ORAI2: variants seen among roughly 807,000 people sequenced by gnomAD.
ORAI2 encodes the protein ORAI calcium release-activated calcium modulator 2, also known as protein orai-2.
A neutral mutation model predicts 16.2 loss-of-function variants in ORAI2; 10 were observed. That is an observed-to-expected ratio of 0.62 (90% CI 0.38 to 1.04). ORAI2 has a LOEUF of 1.04. ORAI2 is among the 50% of genes least tolerant of loss of function. ORAI2 has a pLI of 0.01. For synonymous variants in ORAI2, 150 were observed against 157.5 expected (o/e 0.95, Z 0.35); for missense variants, 238 against 355.5 (o/e 0.67, Z 2.66).
At chr7:102,438,347 C>A (rs192129370) in intron 2 of ORAI2, among the ~76,000 whole-genome samples, 33 of 151,790 alleles carry the variant, frequency 2.2e-4, no homozygotes, top group Admixed American at 1.6e-3. Context: ...TATATCAAAT[C>A]AAATAAAATA....
rs766451025 is a variant in ORAI2, at chr7:102,439,080, C to T, written c.124C>T (p.His42Tyr). 7 of 1,614,100 alleles carry T rather than the reference C, an allele frequency of 4.3e-6. No homozygotes were observed. The highest frequency in any genetic ancestry group is 5.9e-6 in the Non-Finnish European group (7 of 1,180,040). ...RSYLELVTSN[H>Y]HSVQALSWRK... ...CTACCTGGAACTGGTCACCTCTAAC[C>T]ACCACTCGGTACAGGCCCTGTCGTG... Residue 42 changes from histidine to tyrosine, a missense_variant, in exon 3 of 4, where the codon CAC becomes TAC. This residue lies in a region of ORAI2 where 61 missense variants were observed against 72.7 expected (regional missense o/e 0.84). Coordinates refer to ENST00000495936, the MANE Select transcript of ORAI2 (RefSeq NM_001126340.3).
chr7:102,443,089 TTTC>T (rs368278302), intron 3 of ORAI2, among the ~76,000 whole-genome samples: 2,202 of 125,616 alleles, frequency 0.018, 36 homozygotes, highest in African/African-American at 0.041. Context: ...TGCCTTCTCT[TTTC>T]TTCTTCTTCT....
At chr7:102,434,541 G>A (rs1296858936) in intron 1 of ORAI2, among the ~76,000 whole-genome samples, 3 of 152,132 alleles carry the variant, frequency 2.0e-5, no homozygotes, top group Non-Finnish European at 2.9e-5. Flanking sequence ...TCTCAGACCT[G>A]AGCCCAGCCC....
At chr7:102,444,670 T>TTTC (rs1305404122) in intron 3 of ORAI2, among the ~76,000 whole-genome samples, 8 of 147,268 alleles carry the variant, frequency 5.4e-5, no homozygotes, top group Non-Finnish European at 1.2e-4. Flanking sequence ...TTCTTCTTTT[T>TTTC]TTTTTTTTTT....
At chr7:102,434,035 G>A (rs1796993958) in intron 1 of ORAI2, among the ~76,000 whole-genome samples, 1 of 146,932 alleles carries the variant, frequency 6.8e-6, no homozygotes, top group Non-Finnish European at 1.5e-5. Context: ...AATGTGTCCA[G>A]TAGGCCAGCC....
Position 102,448,406 on chromosome 7 carries a change from T to C in ORAI2, c.*1354T>C, listed in dbSNP as rs1797431483. 1 of 152,232 alleles carries C rather than the reference T, an allele frequency of 6.6e-6. No individual in the cohort carries two copies. The highest frequency in any genetic ancestry group is 2.1e-4 in the South Asian group (1 of 4,820). 9.4% of individuals were successfully genotyped at this position (152,232 alleles called of 1,614,324 possible). ...AGAGTCAGCCATGCCTTGTCTTTTGTTCTCATAAATAGTCACTGGGGCCGG... is the reference window on the plus strand; with the variant it reads ...AGAGTCAGCCATGCCTTGTCTTTTGCTCTCATAAATAGTCACTGGGGCCGG... On this transcript the variant is annotated 3_prime_UTR_variant, in exon 4 of 4. Coordinates refer to ENST00000495936, the MANE Select transcript of ORAI2 (RefSeq NM_001126340.3).
At chr7:102,438,486 C>A (rs181039633) in intron 2 of ORAI2, among the ~76,000 whole-genome samples, 1 of 151,948 alleles carries the variant, frequency 6.6e-6, no homozygotes, top group Non-Finnish European at 1.5e-5. Context: ...AACTTTAGGT[C>A]CTGGAAGGCT....
intron 1 of ORAI2, among the ~76,000 whole-genome samples, chr7:102,435,536 C>CTTTT (rs56680127): frequency 8.2e-6 from 1 of 121,574 alleles, no homozygotes; most frequent in Non-Finnish European, 1.7e-5. Flanking sequence ...GCCCCCCCCT[C>CTTTT]TTTTTTTTTT....
intron 3 of ORAI2, among the ~76,000 whole-genome samples, chr7:102,443,954 A>C (rs1466349363): frequency 1.3e-5 from 2 of 151,602 alleles, no homozygotes; most frequent in African/African-American, 4.8e-5. Flanking sequence ...TGATCCGCCC[A>C]CCTCGGCCTC....
At chr7:102,438,342 C>T (rs1167269126) in intron 2 of ORAI2, among the ~76,000 whole-genome samples, 1 of 151,318 alleles carries the variant, frequency 6.6e-6, no homozygotes, top group Non-Finnish European at 1.5e-5. Context: ...AAAAATATAT[C>T]AAATCAAATA....
At chr7:102,439,517 T>C (rs1161376204) in intron 3 of ORAI2, among the ~76,000 whole-genome samples, 1 of 152,126 alleles carries the variant, frequency 6.6e-6, no homozygotes, top group Non-Finnish European at 1.5e-5. Flanking sequence ...CCCAGCACTT[T>C]GGGAGGCCAA....
At chr7:102,446,229 G>A (rs774805952) in intron 3 of ORAI2, among the ~76,000 whole-genome samples, 3 of 152,236 alleles carry the variant, frequency 2.0e-5, no homozygotes, top group African/African-American at 2.4e-5. Context: ...GATTATAGGC[G>A]TGAGCGACCA....
chr7:102,442,872 AC>A (rs541354885), intron 3 of ORAI2, among the ~76,000 whole-genome samples: 3,497 of 144,364 alleles, frequency 0.024, 138 homozygotes, highest in African/African-American at 0.084. Context: ...AAAAAAAAAA[AC>A]ATTAGCCGTG....
chr7:102,440,325 C>T (rs1797163119), intron 3 of ORAI2, among the ~76,000 whole-genome samples: 1 of 152,108 alleles, frequency 6.6e-6, no homozygotes, highest in Admixed American at 6.6e-5. Context: ...TTTGGCCTGG[C>T]TCCCAGCGGC....
intron 1 of ORAI2, among the ~76,000 whole-genome samples, chr7:102,435,185 C>T (rs62482952): frequency 0.28 from 42,300 of 152,058 alleles, 6,462 homozygotes; most frequent in Admixed American, 0.36. Flanking sequence ...GCGGGAGGAT[C>T]GCTTGAGCCT....
chr7:102,451,995 C>A lies in ORAI2; in HGVS notation c.*4943C>A, dbSNP rs992991622. On this transcript the variant is annotated 3_prime_UTR_variant, in exon 4 of 4. Coordinates refer to ENST00000495936, the MANE Select transcript of ORAI2 (RefSeq NM_001126340.3). The stretch of plus-strand genomic sequence containing the variant: ...ACCTGGACAGGGTCAGCTTGGCGTT[C>A]CCCCCAGTCCCTTGAGGAGAGGAGC... 1 of 152,260 alleles carries A rather than the reference C, an allele frequency of 6.6e-6. No homozygotes were observed. The highest frequency in any genetic ancestry group is 2.4e-5 in the African/African-American group (1 of 41,462). 9.4% of individuals were successfully genotyped at this position (152,260 alleles called of 1,614,324 possible).
In ORAI2 at chr7:102,446,578, C is replaced by CA; in HGVS notation, c.292dup (p.Ser98LysfsTer43). ...ACCCGCGGCCGCTGCTGATTGCCTT[C>CA]AGCGCCTGCACCACGGTGCTGGTGG... On this transcript the variant is annotated frameshift_variant, in exon 4 of 4. Transcript: ENST00000495936. LOFTEE classifies it high-confidence loss of function. 2 of 1,613,506 alleles carry CA rather than the reference C, an allele frequency of 1.2e-6. No individual in the cohort carries two copies. The highest frequency in any genetic ancestry group is 1.7e-6 in the Non-Finnish European group (2 of 1,179,978).
rs1797469614 is a variant in ORAI2, at chr7:102,449,494, C to T, written c.*2442C>T. On this transcript the variant is annotated 3_prime_UTR_variant, in exon 4 of 4. Transcript: ENST00000495936. ...CCGAGGCAGGCAGATCACTTGAGAT[C>T]AGGACTTTAAGACCAGCCTCGGCAA... 1 of 152,130 alleles carries T rather than the reference C, an allele frequency of 6.6e-6. No homozygotes were observed. The highest frequency in any genetic ancestry group is 2.4e-5 in the African/African-American group (1 of 41,416). 9.4% of individuals were successfully genotyped at this position (152,130 alleles called of 1,614,324 possible).
At position 102,446,994 on chromosome 7, in the gene ORAI2, A is replaced by T. The variant is rs1418696781; in HGVS notation, c.707A>T (p.Glu236Val). Reference sequence around the variant, plus strand: ...GAGCGCCACAACCGCGAGATCGAGGAGCTCCACAAGCTCAAGGTCCAGCTG... The same window carrying T: ...GAGCGCCACAACCGCGAGATCGAGGTGCTCCACAAGCTCAAGGTCCAGCTG... ...KTERHNREIE[E>V]LHKLKVQLDG... Residue 236 changes from glutamate (E) to valine (V), a missense_variant, in exon 4 of 4, where the codon GAG becomes GTG. Physicochemically the swap from Glu to Val is moderately radical, Grantham distance 121. Coordinates refer to ENST00000495936, the MANE Select transcript of ORAI2 (RefSeq NM_001126340.3). 1 of 1,585,184 alleles carries T rather than the reference A, an allele frequency of 6.3e-7. No homozygotes were observed. The highest frequency in any genetic ancestry group is 8.6e-7 in the Non-Finnish European group (1 of 1,168,462).
Sources: allele counts gnomAD v4.1 joint callset (sites outside exome capture counted in the v4.1 genomes callset), GRCh38; gene constraint gnomAD v4.1.1; regional missense constraint gnomAD v4.1.1; transcripts MANE v1.5; gene names NCBI Gene and HGNC (gene_info 2026-07-23, HGNC 2026-07-21).